The following PDE10A variants were observed in gnomAD, a reference collection of about 807,000 sequenced individuals.
PDE10A encodes the protein cAMP and cAMP-inhibited cGMP 3',5'-cyclic phosphodiesterase 10A.
Under a neutral mutation model 97.7 loss-of-function variants are expected in PDE10A, and 39 were observed. The ratio of observed to expected loss-of-function variants is 0.40; its 90% CI spans 0.31 to 0.52. The LOEUF is 0.52. Ranked by LOEUF, PDE10A falls within the 20% of genes least tolerant of loss-of-function variation. PDE10A has a pLI of 0.56. For missense variants in PDE10A, 731 were observed against 1,047.8 expected, an observed-to-expected ratio of 0.70 and a Z score of 4.17; for synonymous variants, 371 against 376.8, an observed-to-expected ratio of 0.98 and a Z score of 0.18.
At chr6:165,628,564 T>C (rs1387469665) in intron 1 of PDE10A, among the ~76,000 whole-genome samples, 1 of 151,662 alleles carries the variant, frequency 6.6e-6, no homozygotes, top group Non-Finnish European at 1.5e-5. Flanking sequence ...GGTCTCGATA[T>C]CCAGGCTCGC....
chr6:165,426,142 A>C (rs1789145282), intron 10 of PDE10A, among the ~76,000 whole-genome samples: 1 of 152,174 alleles, frequency 6.6e-6, no homozygotes, highest in South Asian at 2.1e-4. Context: ...CTACAGATTC[A>C]ACATAATTCC....
At chr6:165,403,005 T>C (rs79318011) in intron 13 of PDE10A, among the ~76,000 whole-genome samples, 2 of 152,230 alleles carry the variant, frequency 1.3e-5, no homozygotes, top group Non-Finnish European at 2.9e-5. Flanking sequence ...GGAACAAATC[T>C]CTTGTCCATC....
chr6:165,663,967 C>A (rs193023741), upstream of PDE10A, among the ~76,000 whole-genome samples: 5 of 152,300 alleles, frequency 3.3e-5, no homozygotes, highest in East Asian at 9.7e-4. Context: ...AGCGCAAGAG[C>A]GCACACAGAT....
At chr6:165,428,613 GC>G (rs748777617) in intron 10 of PDE10A, 44 bp downstream of exon 10, 1 of 810,336 alleles carries the variant, frequency 1.2e-6, no homozygotes, top group South Asian at 1.6e-5. Flanking sequence ...AGCACCATGG[GC>G]CTAAGGGTTA....
At chr6:165,816,170 C>T (rs1172646455) in intron 1 of PDE10A, among the ~76,000 whole-genome samples, 4 of 152,132 alleles carry the variant, frequency 2.6e-5, no homozygotes, top group African/African-American at 4.8e-5. Flanking sequence ...AGGATGCTCT[C>T]AATCTCCTGA....
At chr6:165,874,381 A>AT (rs1781280244) in intron 1 of PDE10A, among the ~76,000 whole-genome samples, 1 of 62,788 alleles carries the variant, frequency 1.6e-5, no homozygotes, top group South Asian at 9.3e-4. Flanking sequence ...TTAGAAAAAA[A>AT]AAATTTAGCC....
chr6:165,522,448 C>T (rs547862195), intron 2 of PDE10A, among the ~76,000 whole-genome samples: 5 of 152,186 alleles, frequency 3.3e-5, no homozygotes, highest in East Asian at 3.9e-4. Context: ...AAAGTTAATT[C>T]GCCACAATCA....
In PDE10A at chr6:165,663,040, C is replaced by T. The variant is rs1270062776; in HGVS notation, c.-229G>A. On this transcript the variant is annotated 5_prime_UTR_variant, in exon 1 of 22. Coordinates refer to ENST00000539869, the MANE Select transcript of PDE10A (RefSeq NM_001385079.1). ...TGGGGGCCAGGCCCCGGCGACGGCG[C>T]CTGGCTACCCTCAGGCGCGCACAAT... 1.3e-5 allele frequency among the ~76,000 whole-genome samples: 2 copies of T among 151,468 alleles called. No homozygotes were observed. The highest frequency in any genetic ancestry group is 2.0e-4 in the East Asian group (1 of 5,060).
At chr6:165,577,489 G>A (rs146384351) in intron 1 of PDE10A, among the ~76,000 whole-genome samples, 6 of 152,286 alleles carry the variant, frequency 3.9e-5, no homozygotes, top group African/African-American at 9.6e-5. Flanking sequence ...CGAAGCTACT[G>A]AATGGGCTAT....
intron 1 of PDE10A, among the ~76,000 whole-genome samples, chr6:165,680,280 C>T (rs6456005): frequency 0.91 from 139,035 of 152,304 alleles, 63,710 homozygotes; most frequent in African/African-American, 0.98. Context: ...CAATATGTTG[C>T]AGGTTCTATA....
intron 2 of PDE10A, among the ~76,000 whole-genome samples, chr6:165,526,369 C>A (rs2128311730): frequency 6.6e-6 from 1 of 152,270 alleles, no homozygotes; most frequent in African/African-American, 2.4e-5. Flanking sequence ...TCAGAATGCA[C>A]AATTGGCATA....
intron 1 of PDE10A, among the ~76,000 whole-genome samples, chr6:165,961,257 A>G (rs1341392730): frequency 2.6e-5 from 4 of 152,230 alleles, no homozygotes; most frequent in Admixed American, 6.5e-5. Context: ...ATGTCACTAC[A>G]TAGCATGATG....
intron 1 of PDE10A, among the ~76,000 whole-genome samples, chr6:165,739,269 G>A (rs935575164): frequency 2.6e-5 from 4 of 152,176 alleles, no homozygotes; most frequent in African/African-American, 9.7e-5. Context: ...ACAAAAGTAT[G>A]GTACTGGCAT....
chr6:165,483,491 T>C (rs966661218), intron 2 of PDE10A, among the ~76,000 whole-genome samples: 2 of 152,216 alleles, frequency 1.3e-5, no homozygotes, highest in East Asian at 1.9e-4. Context: ...AGTGGCACCA[T>C]AGAAATATTT....
intron 1 of PDE10A, among the ~76,000 whole-genome samples, chr6:165,588,178 G>A (rs1192145156): frequency 6.6e-6 from 1 of 151,630 alleles, no homozygotes; most frequent in South Asian, 2.1e-4. Context: ...ATTGACACTA[G>A]GTGAAAATAC....
At chr6:165,735,019 AG>A (rs1043147278) in intron 1 of PDE10A, among the ~76,000 whole-genome samples, 5 of 131,598 alleles carry the variant, frequency 3.8e-5, no homozygotes, top group Admixed American at 1.4e-4. Context: ...GTAGATAGGT[AG>A]GTAGTTAGGT....
rs192947857 is a variant in PDE10A at position 165,884,708 on chromosome 6, C to T, written c.-615+102821G>A. 6.6e-5 allele frequency among the ~76,000 whole-genome samples: 10 copies of T among 152,168 alleles called. No individual in the cohort carries two copies. In the East Asian group the frequency reaches 1.5e-3, roughly 23 times the overall value. ...TTTATGTAAAACATCCTTGCAGACA[C>T]TTAAAGAGGAACACAGAAATGAACT... On this transcript the variant is annotated intron_variant, in intron 1 of 19. Transcript: ENST00000366882.
At chr6:165,565,146 G>C (rs921811815) in intron 1 of PDE10A, among the ~76,000 whole-genome samples, 2 of 152,076 alleles carry the variant, frequency 1.3e-5, no homozygotes, top group Non-Finnish European at 1.5e-5. Context: ...TTACAGTTTG[G>C]GAAGGAAGAA....
chr6:165,658,037 T>A (rs529270177), intron 1 of PDE10A, among the ~76,000 whole-genome samples: 7 of 152,340 alleles, frequency 4.6e-5, no homozygotes, highest in African/African-American at 1.7e-4. Flanking sequence ...ATCTGTGAGT[T>A]AGCTGTTGGC....
Sources: gnomAD v4.1 joint callset for allele counts (sites outside exome capture counted in the v4.1 genomes callset) on GRCh38, gnomAD v4.1.1 for gene constraint, MANE v1.5 for transcripts, NCBI Gene and HGNC (gene_info 2026-07-23, HGNC 2026-07-21) for gene names.